The following CSF2RB variants were observed in gnomAD, a reference collection of about 807,000 sequenced individuals.
CSF2RB encodes the protein colony stimulating factor 2 receptor subunit beta.
CSF2RB carries 22 observed loss-of-function variants against 67.2 expected under a neutral mutation model. The observed-to-expected ratio is 0.33, with a 90% CI of 0.23 to 0.47. The LOEUF (loss-of-function observed/expected upper bound fraction) is 0.47, where lower values mean the gene tolerates loss of function less well. Among genes scored for constraint, CSF2RB ranks in the 20% least tolerant of loss-of-function variants. The pLI is 1.00. For missense variants in CSF2RB, 1,113 were observed against 1,174.5 expected (o/e 0.95, Z 0.76); for synonymous variants, 507 against 482.9 (o/e 1.05, Z -0.65).
At chr22:36,934,186 C>G (rs1253651630) in intron 10 of CSF2RB, among the ~76,000 whole-genome samples, 192 bp downstream of exon 10, 1 of 152,134 alleles carries the variant, frequency 6.6e-6, no homozygotes, top group Non-Finnish European at 1.5e-5. Flanking sequence ...TCATCAGACC[C>G]GCAAGTTGAA....
At chr22:36,933,446 G>C (rs1238763249) in intron 9 of CSF2RB, among the ~76,000 whole-genome samples, 1 of 152,182 alleles carries the variant, frequency 6.6e-6, no homozygotes, top group Non-Finnish European at 1.5e-5. Flanking sequence ...GCGGGCCCTG[G>C]GGTCCTGAAC....
chr22:36,939,294 G>T lies in CSF2RB; in HGVS notation c.*792G>T, dbSNP rs1029840711. 22 of 701,640 alleles carry T rather than the reference G, an allele frequency of 3.1e-5. No individual in the cohort carries two copies. In the Admixed American group the frequency reaches 4.4e-4, roughly 14 times the overall value. 43.5% of individuals were successfully genotyped at this position (701,640 alleles called of 1,614,324 possible). Reference sequence around the variant, plus strand: ...TGGTGGGCAGGCTGGCGGGACCTGGGGAACATCAGGAGAGGAGTCCAGAGC... The same window carrying T: ...TGGTGGGCAGGCTGGCGGGACCTGGTGAACATCAGGAGAGGAGTCCAGAGC... On this transcript the variant is annotated 3_prime_UTR_variant, in exon 14 of 14. Coordinates refer to ENST00000403662, the MANE Select transcript of CSF2RB (RefSeq NM_000395.3).
rs1569139875 is a variant in CSF2RB, at chr22:36,937,575, C to T, written c.1767C>T (p.Phe589=). ...AGAAACAGGCTTCCAGCTTTGACTT[C>T]AATGGGCCCTACCTGGGGCCGCCCC... The part of the protein sequence containing the change: ...TPEKQASSFD[F]NGPYLGPPHS... Residue 589 remains phenylalanine, a synonymous_variant, in exon 14 of 14, where the codon TTC becomes TTT. Transcript: ENST00000403662. This position sits in a 1 kb window ranked among gnomAD's most constrained non-coding sequence, Gnocchi z 4.6. 6.2e-7 allele frequency: 1 copy of T among 1,609,408 alleles called. No individual in the cohort carries two copies. Among genetic ancestry groups the T allele is most frequent in the Middle Eastern group, 1.7e-4 (1 of 6,056 alleles).
intron 4 of CSF2RB, 147 bp downstream of exon 4, chr22:36,926,324 C>T: frequency 3.7e-6 from 3 of 805,502 alleles, no homozygotes; most frequent in Non-Finnish European, 5.9e-6. Flanking sequence ...GGTCTGGTTA[C>T]ATGGAGACTT....
intron 1 of CSF2RB, among the ~76,000 whole-genome samples, chr22:36,920,802 T>C (rs933473217): frequency 6.6e-6 from 1 of 152,264 alleles, no homozygotes; most frequent in Admixed American, 6.5e-5. Context: ...TTTAAATTTA[T>C]AATTAACTTG....
At chr22:36,927,846 T>A (rs1013581177) in intron 4 of CSF2RB, among the ~76,000 whole-genome samples, 2 of 152,198 alleles carry the variant, frequency 1.3e-5, no homozygotes, top group Non-Finnish European at 2.9e-5. Context: ...AGGACACAAC[T>A]GGCTAGGAGA....
Position 36,938,100 on chromosome 22 carries a change from G to A in CSF2RB, c.2292G>A (p.Glu764=). 1 of 1,614,058 alleles carries A rather than the reference G, an allele frequency of 6.2e-7. No individual in the cohort carries two copies. The highest frequency in any genetic ancestry group is 8.5e-7 in the Non-Finnish European group (1 of 1,179,974). The change falls in exon 14 of 14, where the codon GAG becomes GAA. Residue 764 remains glutamate (E), a synonymous_variant. Coordinates refer to ENST00000403662, the MANE Select transcript of CSF2RB (RefSeq NM_000395.3). ...GAPGPVKSGF[E]GYVELPPIEG... Reference sequence around the variant, plus strand: ...CAGGCCCTGTGAAGTCAGGGTTTGAGGGCTATGTGGAGCTCCCTCCAATTG... The same window carrying A: ...CAGGCCCTGTGAAGTCAGGGTTTGAAGGCTATGTGGAGCTCCCTCCAATTG...
intron 1 of CSF2RB, among the ~76,000 whole-genome samples, chr22:36,919,255 G>C (rs561623600): frequency 3.3e-5 from 5 of 152,246 alleles, no homozygotes; most frequent in Admixed American, 3.3e-4. Flanking sequence ...TCCACCCCCT[G>C]CTTCTGAATG....
Position 36,937,383 on chromosome 22 carries a change from C to A in CSF2RB, c.1575C>A (p.Phe525Leu). The change falls in exon 14 of 14, where the codon TTC (phenylalanine) becomes TTA (leucine). Residue 525 changes from phenylalanine to leucine, a missense_variant. By Grantham distance (22) the Phe-to-Leu change is conservative. Transcript: ENST00000403662. This position sits in a 1 kb window ranked among gnomAD's most constrained non-coding sequence, Gnocchi z 4.6. ...GSRFPELEGV[F>L]PVGFGDSEVS... ...GCCCATTTTCTTCCCACAGGGTGTT[C>A]CCTGTAGGATTCGGGGACAGCGAGG... 1 of 1,613,602 alleles carries A rather than the reference C, an allele frequency of 6.2e-7. No individual in the cohort carries two copies. The highest frequency in any genetic ancestry group is 8.5e-7 in the Non-Finnish European group (1 of 1,179,962).
chr22:36,935,294 T>G, intron 10 of CSF2RB, 57 bp from the exon 11 acceptor site: 1 of 1,546,700 alleles, frequency 6.5e-7, no homozygotes, highest in Non-Finnish European at 8.9e-7. Context: ...CTCCCTGCCC[T>G]GAGGTCGATT....
intron 4 of CSF2RB, among the ~76,000 whole-genome samples, chr22:36,926,936 C>T (rs1941030478): frequency 1.4e-5 from 1 of 72,180 alleles, no homozygotes; most frequent in Non-Finnish European, 2.7e-5. Flanking sequence ...TGCAGGCTGT[C>T]ATTGGGAGTC....
chr22:36,927,268 GTCCCT>G (rs1465864807), intron 4 of CSF2RB, among the ~76,000 whole-genome samples: 3 of 152,216 alleles, frequency 2.0e-5, no homozygotes, highest in African/African-American at 7.2e-5. Context: ...GGACACGAGA[GTCCCT>G]TCCTTCCCGA....
chr22:36,919,409 T>A (rs1940798959), intron 1 of CSF2RB, among the ~76,000 whole-genome samples: 1 of 152,166 alleles, frequency 6.6e-6, no homozygotes, highest in Non-Finnish European at 1.5e-5. Context: ...TTGTTGTTGT[T>A]TTTTTGTTTG....
intron 8 of CSF2RB, among the ~76,000 whole-genome samples, chr22:36,932,328 G>A (rs1337154197): frequency 2.0e-5 from 3 of 151,582 alleles, no homozygotes; most frequent in African/African-American, 7.3e-5. Flanking sequence ...CCAGCTACTC[G>A]GGAGGCTGAG....
chr22:36,923,365 T>A lies in CSF2RB; in HGVS notation c.198T>A (p.Asn66Lys), dbSNP rs377561426. The change falls in exon 3 of 14, where the codon AAT (asparagine) becomes AAA (lysine). Residue 66 changes from asparagine (N) to lysine (K), a missense_variant and splice_region_variant. Asn to Lys is a moderately conservative substitution (Grantham distance 94). Coordinates refer to ENST00000403662, the MANE Select transcript of CSF2RB (RefSeq NM_000395.3). ...ACGTGACCCTCATTCGCCGGGTGAA[T>A]GAGTGAGTGATGCTGGGGGCAGGGG... ...LVNVTLIRRV[N>K]EDLLEPVSCD... 1.1e-5 allele frequency: 17 copies of A among 1,613,568 alleles called. No individual in the cohort carries two copies. The highest frequency in any genetic ancestry group is 1.4e-5 in the Non-Finnish European group (17 of 1,179,694).
In CSF2RB at chr22:36,923,384, G is replaced by T. The variant is rs754822869; in HGVS notation, c.200+17G>T. On this transcript the variant is annotated intron_variant, in intron 3 of 13. Transcript: ENST00000403662. ...GGTGAATGAGTGAGTGATGCTGGGG[G>T]CAGGGGCCACGGGCAGGGGCTACGA... The T allele has an allele frequency of 6.2e-7, 1 of 1,612,306 alleles. No homozygotes were observed. The highest frequency in any genetic ancestry group is 1.7e-5 in the Admixed American group (1 of 59,716).
In CSF2RB at chr22:36,937,578, T is replaced by C. The variant is rs775069525; in HGVS notation, c.1770T>C (p.Asn590=). 3 of 1,608,040 alleles carry C rather than the reference T, an allele frequency of 1.9e-6. No individual in the cohort carries two copies. The East Asian group carries it at 6.7e-5, about 36-fold the overall frequency. ...PEKQASSFDF[N]GPYLGPPHSR... ...AACAGGCTTCCAGCTTTGACTTCAA[T>C]GGGCCCTACCTGGGGCCGCCCCACA... The change falls in exon 14 of 14, where the codon AAT becomes AAC. Residue 590 remains asparagine (N), a synonymous_variant. Coordinates refer to ENST00000403662, the MANE Select transcript of CSF2RB (RefSeq NM_000395.3). This position sits in a 1 kb window ranked among gnomAD's most constrained non-coding sequence, Gnocchi z 4.6.
chr22:36,923,616 G>A, intron 3 of CSF2RB: 4 of 822,160 alleles, frequency 4.9e-6, no homozygotes. Flanking sequence ...TGGTGGTGGT[G>A]GCAATGGTGA....
Position 36,937,272 on chromosome 22 carries a change from T to A in CSF2RB, c.1569-105T>A. On this transcript the variant is annotated intron_variant, in intron 13 of 13. Coordinates refer to ENST00000403662, the MANE Select transcript of CSF2RB (RefSeq NM_000395.3). The surrounding 1 kb of genome is among the most constrained non-coding windows in gnomAD (Gnocchi z 4.6). ...TTCTCTCTGTGAGATCTGGGGGACA[T>A]CAGGGCTTCCAGAGAACCATCTCCA... 1 of 1,412,464 alleles carries A rather than the reference T, an allele frequency of 7.1e-7. No individual in the cohort carries two copies. Among genetic ancestry groups the A allele is most frequent in the Non-Finnish European group, 9.8e-7 (1 of 1,018,394 alleles). The allele number at this position is 1,412,464 out of a possible 1,614,324, so 87.5% of individuals were successfully genotyped here. A position where few individuals can be genotyped will look rare whatever the true frequency, so the allele number is the denominator to read the frequency against.
Sources: allele counts gnomAD v4.1 joint callset (sites outside exome capture counted in the v4.1 genomes callset), GRCh38; gene constraint gnomAD v4.1.1; non-coding constraint Gnocchi (gnomAD v3.1); transcripts MANE v1.5; gene names NCBI Gene and HGNC (gene_info 2026-07-23, HGNC 2026-07-21).